Variants in HPS5 observed in about 807,000 individuals in gnomAD.
The protein encoded by HPS5 is HPS5 biogenesis of lysosomal organelles complex 2 subunit 2.
HPS5 carries 83 observed loss-of-function variants against 128.0 expected under a neutral mutation model. That is an observed-to-expected ratio of 0.65 (90% CI 0.54 to 0.78). The LOEUF (loss-of-function observed/expected upper bound fraction) is 0.78, where lower values mean the gene tolerates loss of function less well. Ranked by LOEUF, HPS5 falls within the 30% of genes least tolerant of loss-of-function variation. The pLI is 0.00. For missense variants in HPS5, 1,281 were observed against 1,326.2 expected (o/e 0.97, Z 0.53); for synonymous variants, 475 against 470.2 (o/e 1.01, Z -0.13).
chr11:18,281,027 T>C (rs569886831), intron 22 of HPS5, among the ~76,000 whole-genome samples: 1 of 151,778 alleles, frequency 6.6e-6, no homozygotes, highest in African/African-American at 2.4e-5. Context: ...ATAAATTTTA[T>C]GTGTATTATA....
intron 12 of HPS5, 119 bp from the exon 13 acceptor site, chr11:18,296,241 C>T (rs1861054547): frequency 2.0e-6 from 2 of 991,656 alleles, no homozygotes; most frequent in East Asian, 5.3e-5. Flanking sequence ...ATACCAAAAT[C>T]ACAACTGACC....
chr11:18,308,814 T>G, intron 6 of HPS5, 132 bp downstream of exon 6: 12 of 840,376 alleles, frequency 1.4e-5, no homozygotes, highest in Non-Finnish European at 2.2e-5. Context: ...AGACCCCATC[T>G]CAAAAAAAGA....
intron 22 of HPS5, chr11:18,280,746 T>C: frequency 3.7e-6 from 2 of 535,190 alleles, no homozygotes; most frequent in African/African-American, 1.9e-5. Flanking sequence ...ACAACATGGA[T>C]AAACCTTTAG....
chr11:18,294,443 T>A (rs2134311432), intron 14 of HPS5, among the ~76,000 whole-genome samples: 1 of 152,184 alleles, frequency 6.6e-6, no homozygotes, highest in African/African-American at 2.4e-5. Flanking sequence ...CAAAGTCACA[T>A]ACTAGTCATA....
At chr11:18,311,360 A>G in intron 4 of HPS5, 27 bp downstream of exon 4, 1 of 1,473,826 alleles carries the variant, frequency 6.8e-7, no homozygotes, top group Non-Finnish European at 9.5e-7. Flanking sequence ...TTGAAAAAGG[A>G]CAGATAGTTT....
chr11:18,283,659 C>A, intron 21 of HPS5, 136 bp downstream of exon 21: 2 of 695,638 alleles, frequency 2.9e-6, no homozygotes, highest in South Asian at 3.2e-5. Flanking sequence ...AACAAAAACT[C>A]CACAAATGTG....
At chr11:18,310,714 T>C (rs1441427704) in intron 5 of HPS5, 27 bp downstream of exon 5, 1 of 1,556,064 alleles carries the variant, frequency 6.4e-7, no homozygotes, top group Non-Finnish European at 8.8e-7. Context: ...TCTCACTACA[T>C]ACACAAAGAA....
chr11:18,296,709 A>G (rs1326265912), intron 12 of HPS5, 89 bp downstream of exon 12: 3 of 1,200,614 alleles, frequency 2.5e-6, no homozygotes, highest in Non-Finnish European at 3.7e-6. Flanking sequence ...CACTTCAGAG[A>G]AATTCCGTGC....
chr11:18,285,419 T>C lies in HPS5; in HGVS notation c.2878A>G (p.Ile960Val). ...HLLSWGYSQL[I>V]LHLIKLPADF... ...GCAGGAAGTTTAATTAGATGAAGGA[T>C]CAGCTGACTGTAACCCCAGGAAAGC... The change falls in exon 20 of 23, where the codon ATC (isoleucine) becomes GTC (valine). Residue 960 changes from isoleucine to valine, a missense_variant. Ile to Val is a conservative substitution (Grantham distance 29, BLOSUM62 3). Coordinates refer to ENST00000349215, the MANE Select transcript of HPS5 (RefSeq NM_181507.2). 6.2e-7 allele frequency: 1 copy of C among 1,613,494 alleles called. No homozygotes were observed. Among genetic ancestry groups the C allele is most frequent in the Non-Finnish European group, 8.5e-7 (1 of 1,179,556 alleles).
chr11:18,311,508 A>ATTTTTTTTTT (rs778669578), intron 3 of HPS5, 57 bp from the exon 4 acceptor site: 3 of 780,146 alleles, frequency 3.8e-6, no homozygotes, highest in Admixed American at 3.9e-5. Context: ...TATTATTATT[A>ATTTTTTTTTT]TTATTTTTTT....
At chr11:18,291,377 A>C (rs1356746897) in intron 16 of HPS5, 65 bp downstream of exon 16, 1 of 1,046,338 alleles carries the variant, frequency 9.6e-7, no homozygotes, top group Non-Finnish European at 1.5e-6. Flanking sequence ...TAAACCCCAA[A>C]ATTCAAAACT....
At chr11:18,311,109 T>C (rs1862933145) in intron 4 of HPS5, among the ~76,000 whole-genome samples, 176 bp from the exon 5 acceptor site, 1 of 152,226 alleles carries the variant, frequency 6.6e-6, no homozygotes, top group African/African-American at 2.4e-5. Flanking sequence ...ACCAGTTTAA[T>C]AGGAGAAGTT....
chr11:18,312,158 T>C (rs1023082732), intron 2 of HPS5, 134 bp from the exon 3 acceptor site: 29 of 703,038 alleles, frequency 4.1e-5, no homozygotes, highest in Non-Finnish European at 7.5e-5. Flanking sequence ...ATGGACACAA[T>C]ATGACACTTA....
intron 8 of HPS5, among the ~76,000 whole-genome samples, chr11:18,304,344 C>T (rs1862098218): frequency 6.6e-6 from 1 of 151,732 alleles, no homozygotes; most frequent in Non-Finnish European, 1.5e-5. Context: ...AGCCTCCCTA[C>T]TAGCTGGGAT....
intron 2 of HPS5, among the ~76,000 whole-genome samples, chr11:18,314,110 G>C (rs949297751): frequency 6.6e-6 from 1 of 152,194 alleles, no homozygotes; most frequent in Non-Finnish European, 1.5e-5. Flanking sequence ...AGCTACTTGA[G>C]AGGCTGAGGC....
chr11:18,302,451 T>G (rs796522745), intron 8 of HPS5, among the ~76,000 whole-genome samples: 8 of 152,274 alleles, frequency 5.3e-5, no homozygotes, highest in African/African-American at 1.9e-4. Flanking sequence ...AACCTATTTC[T>G]TATACTCTGC....
intron 4 of HPS5, 22 bp downstream of exon 4, chr11:18,311,365 T>A: frequency 6.6e-7 from 1 of 1,507,840 alleles, no homozygotes; most frequent in Middle Eastern, 1.7e-4. Context: ...AAAGGACAGA[T>A]AGTTTTGGAA....
At chr11:18,288,998 T>G (rs1860079340) in intron 16 of HPS5, among the ~76,000 whole-genome samples, 1 of 151,208 alleles carries the variant, frequency 6.6e-6, no homozygotes, top group Admixed American at 6.6e-5. Flanking sequence ...GTGTGTGTGT[T>G]TTTGTGTGTG....
intron 19 of HPS5, among the ~76,000 whole-genome samples, chr11:18,286,343 G>A (rs774798039): frequency 3.9e-5 from 6 of 152,096 alleles, no homozygotes; most frequent in Non-Finnish European, 5.9e-5. Context: ...CCAGGAGATC[G>A]AGACCAGCCT....
Sources: gnomAD v4.1 joint callset for allele counts (sites outside exome capture counted in the v4.1 genomes callset) on GRCh38, gnomAD v4.1.1 for gene constraint, MANE v1.5 for transcripts, NCBI Gene and HGNC (gene_info 2026-07-23, HGNC 2026-07-21) for gene names.